The following SNTG1 variants were observed in gnomAD, a reference collection of about 807,000 sequenced individuals.
SNTG1 encodes gamma-1-syntrophin.
Under a neutral mutation model 74.7 loss-of-function variants are expected in SNTG1, and 39 were observed. That is an observed-to-expected ratio of 0.52 (90% CI 0.40 to 0.68). The LOEUF (loss-of-function observed/expected upper bound fraction) is 0.68. Ranked by LOEUF, SNTG1 falls within the 30% of genes least tolerant of loss-of-function variation. The pLI is 0.00. For missense variants in SNTG1, 685 were observed against 609.5 expected, an observed-to-expected ratio of 1.12 and a Z score of -1.30; for synonymous variants, 254 against 217.1, an observed-to-expected ratio of 1.17 and a Z score of -1.49.
chr8:50,296,088 G>C (rs1195574273), intron 2 of SNTG1, among the ~76,000 whole-genome samples: 1 of 152,124 alleles, frequency 6.6e-6, no homozygotes, highest in Non-Finnish European at 1.5e-5. Context: ...ACCACTCACA[G>C]CTCCCCAGGA....
intron 17 of SNTG1, among the ~76,000 whole-genome samples, chr8:50,710,695 A>G (rs1033807395): frequency 1.3e-5 from 2 of 152,200 alleles, no homozygotes; most frequent in African/African-American, 4.8e-5. Flanking sequence ...ATAAGGGAGA[A>G]AATCATGACA....
intron 1 of SNTG1, among the ~76,000 whole-genome samples, chr8:49,963,797 C>T (rs908904374): frequency 3.3e-5 from 5 of 152,220 alleles, no homozygotes. Context: ...GAAAATAGAA[C>T]TTCACAGAGA....
At chr8:50,719,948 TA>T (rs1192259232) in intron 17 of SNTG1, among the ~76,000 whole-genome samples, 14 of 152,158 alleles carry the variant, frequency 9.2e-5, no homozygotes, top group Middle Eastern at 3.2e-3. Flanking sequence ...TGATGAAATA[TA>T]TTTTTTTTAT....
intron 12 of SNTG1, among the ~76,000 whole-genome samples, chr8:50,561,171 A>G (rs2094485884): frequency 2.0e-5 from 3 of 152,014 alleles, no homozygotes; most frequent in Admixed American, 2.0e-4. Context: ...ATGAAAGCTG[A>G]TGGTTTTAAA....
At chr8:50,004,030 G>A (rs889205194) in intron 1 of SNTG1, among the ~76,000 whole-genome samples, 1 of 152,152 alleles carries the variant, frequency 6.6e-6, no homozygotes, top group East Asian at 1.9e-4. Context: ...AGGGTGCAGA[G>A]TATGGCAGTA....
chr8:49,913,707 C>T (rs893191855), intron 1 of SNTG1, among the ~76,000 whole-genome samples: 1 of 152,054 alleles, frequency 6.6e-6, no homozygotes, highest in African/African-American at 2.4e-5. Flanking sequence ...TTTTTTTCCT[C>T]AGTGGGAGAG....
At chr8:50,062,510 G>C (rs1820563090) in intron 1 of SNTG1, among the ~76,000 whole-genome samples, 1 of 151,824 alleles carries the variant, frequency 6.6e-6, no homozygotes, top group Non-Finnish European at 1.5e-5. Context: ...GTTGCTTTCT[G>C]TTTCTAGCAA....
chr8:50,079,740 A>G (rs1217567539), intron 1 of SNTG1, among the ~76,000 whole-genome samples: 1 of 152,084 alleles, frequency 6.6e-6, no homozygotes, highest in Non-Finnish European at 1.5e-5. Context: ...TAATTTTTGT[A>G]TAAGTATAAG....
intron 12 of SNTG1, among the ~76,000 whole-genome samples, chr8:50,557,964 G>A (rs1441101169): frequency 3.3e-5 from 5 of 152,092 alleles, no homozygotes; most frequent in Non-Finnish European, 5.9e-5. Context: ...TCGGGATATC[G>A]CCTCCTTCCC....
chr8:50,448,355 G>A (rs893870658), intron 5 of SNTG1, among the ~76,000 whole-genome samples: 21 of 151,882 alleles, frequency 1.4e-4, no homozygotes, highest in African/African-American at 3.9e-4. Flanking sequence ...AAAAACTATT[G>A]ACTATTTTAT....
chr8:50,769,652 C>T (rs2095622313), intron 18 of SNTG1, among the ~76,000 whole-genome samples: 1 of 151,922 alleles, frequency 6.6e-6, no homozygotes, highest in African/African-American at 2.4e-5. Context: ...TTTAGGTCTC[C>T]TCATGCCCCA....
intron 1 of SNTG1, among the ~76,000 whole-genome samples, chr8:50,047,666 T>C (rs1475018496): frequency 6.6e-6 from 1 of 152,166 alleles, no homozygotes; most frequent in African/African-American, 2.4e-5. Context: ...GTATATGTAA[T>C]AGGATAAACA....
intron 1 of SNTG1, among the ~76,000 whole-genome samples, chr8:49,931,243 C>T (rs987684120): frequency 6.6e-6 from 1 of 152,124 alleles, no homozygotes; most frequent in South Asian, 2.1e-4. Flanking sequence ...ACAATGTGGC[C>T]GACCAACAGT....
At chr8:50,280,803 T>G (rs1352392118) in intron 2 of SNTG1, among the ~76,000 whole-genome samples, 1 of 151,712 alleles carries the variant, frequency 6.6e-6, no homozygotes, top group Non-Finnish European at 1.5e-5. Flanking sequence ...AGATGGCAAA[T>G]TTTTCCTGTC....
At chr8:50,012,926 A>AGGAATAT (rs1274250984) in intron 1 of SNTG1, among the ~76,000 whole-genome samples, 19 of 152,136 alleles carry the variant, frequency 1.2e-4, no homozygotes, top group African/African-American at 4.3e-4. Flanking sequence ...AAGCCCAGTA[A>AGGAATAT]GGAATATGGT....
intron 17 of SNTG1, among the ~76,000 whole-genome samples, chr8:50,726,436 TCAGGCAGAGTGGGCAA>T (rs1315135053): frequency 2.0e-5 from 3 of 152,060 alleles, no homozygotes; most frequent in Non-Finnish European, 2.9e-5. Context: ...GTGGGGCCCC[TCAGGCAGAGTGGGCAA>T]CAGGCAAGGT....
At chr8:50,772,160 C>G (rs12679277) in intron 18 of SNTG1, among the ~76,000 whole-genome samples, 17,220 of 151,952 alleles carry the variant, frequency 0.11, 2,916 homozygotes, top group African/African-American at 0.37. Context: ...GCCACCAACA[C>G]CATGTAATGC....
chr8:50,125,780 G>A (rs2081119187), intron 1 of SNTG1, among the ~76,000 whole-genome samples: 1 of 152,118 alleles, frequency 6.6e-6, no homozygotes, highest in Admixed American at 6.6e-5. Flanking sequence ...GTATTAAGAT[G>A]TGCTGGGTGG....
chr8:50,137,618 A>T (rs1214586205), intron 1 of SNTG1, among the ~76,000 whole-genome samples: 1 of 152,216 alleles, frequency 6.6e-6, no homozygotes, highest in Admixed American at 6.5e-5. Flanking sequence ...ACAGAATGAC[A>T]GTGTGCTATT....
Sources: allele counts gnomAD v4.1 joint callset (sites outside exome capture counted in the v4.1 genomes callset), GRCh38; gene constraint gnomAD v4.1.1; transcripts MANE v1.5; gene names NCBI Gene and HGNC (gene_info 2026-07-23, HGNC 2026-07-21).